NUBPL: variants seen among roughly 807,000 people sequenced by gnomAD.
The protein encoded by NUBPL is iron-sulfur cluster transfer protein NUBPL.
Under a neutral mutation model 45.7 loss-of-function variants are expected in NUBPL, and 31 were observed. The ratio of observed to expected loss-of-function variants is 0.68; its 90% CI spans 0.51 to 0.92. NUBPL has a LOEUF of 0.92. NUBPL is among the 40% of genes least tolerant of loss of function. The pLI, the probability that NUBPL is intolerant of heterozygous loss-of-function variation, is 0.00. For synonymous variants in NUBPL, 144 were observed against 140.9 expected, an observed-to-expected ratio of 1.02 and a Z score of -0.15; for missense variants, 401 against 398.7, an observed-to-expected ratio of 1.01 and a Z score of -0.05.
chr14:31,606,383 C>T (rs1327536596), intron 4 of NUBPL, among the ~76,000 whole-genome samples: 3 of 152,144 alleles, frequency 2.0e-5, no homozygotes, highest in African/African-American at 7.2e-5. Flanking sequence ...TGAGCCACCA[C>T]ACCTGGCCTG....
chr14:31,758,709 A>G (rs1180007425), intron 6 of NUBPL, among the ~76,000 whole-genome samples: 1 of 152,344 alleles, frequency 6.6e-6, no homozygotes, highest in Non-Finnish European at 1.5e-5. Context: ...ATGAGACCAT[A>G]AAATTATAAG....
rs977265400 is a variant in NUBPL at position 31,624,465 on chromosome 14, G to A, written c.382+25086G>A. Among the ~76,000 whole-genome samples, 5 of 152,174 alleles carry A rather than the reference G, an allele frequency of 3.3e-5. No individual in the cohort carries two copies. In the East Asian group the frequency reaches 9.6e-4, roughly 29 times the overall value. ...ACACATTTGTGAGTTAGCAGTATAG[G>A]TAATATTAAATAGTTGGAGTTGTTA... On this transcript the variant is annotated intron_variant, in intron 4 of 10. Transcript: ENST00000281081.
chr14:31,836,436 A>G (rs1011375457), intron 8 of NUBPL, among the ~76,000 whole-genome samples: 3 of 152,236 alleles, frequency 2.0e-5, no homozygotes, highest in Non-Finnish European at 4.4e-5. Flanking sequence ...ATTAAAGGAT[A>G]TACACAATAG....
chr14:31,817,065 A>T (rs1025124148), intron 7 of NUBPL, among the ~76,000 whole-genome samples: 1 of 152,010 alleles, frequency 6.6e-6, no homozygotes, highest in Admixed American at 6.6e-5. Context: ...TTGATCAAGC[A>T]GAAGAAAGAA....
chr14:31,773,830 C>A (rs767599427), intron 6 of NUBPL, among the ~76,000 whole-genome samples: 60 of 152,158 alleles, frequency 3.9e-4, no homozygotes, highest in Non-Finnish European at 7.5e-4. Flanking sequence ...TTGAGATCCA[C>A]TAAGTATAAG....
intron 4 of NUBPL, among the ~76,000 whole-genome samples, chr14:31,639,651 G>A (rs2035622632): frequency 1.3e-5 from 2 of 152,320 alleles, no homozygotes; most frequent in South Asian, 4.1e-4. Flanking sequence ...AGACGTTACT[G>A]CTGTCTTTTT....
intron 8 of NUBPL, among the ~76,000 whole-genome samples, chr14:31,831,943 G>A (rs144054613): frequency 6.6e-6 from 1 of 152,298 alleles, no homozygotes; most frequent in Non-Finnish European, 1.5e-5. Context: ...CATTTGCAAT[G>A]ATCAAAGTTA....
chr14:31,786,428 A>G (rs2039285457), intron 6 of NUBPL, among the ~76,000 whole-genome samples: 1 of 152,188 alleles, frequency 6.6e-6, no homozygotes, highest in African/African-American at 2.4e-5. Context: ...CTCTAGCCAT[A>G]TTGATCTTTC....
At chr14:31,651,420 T>G (rs1371413724) in intron 4 of NUBPL, among the ~76,000 whole-genome samples, 2 of 145,470 alleles carry the variant, frequency 1.4e-5, no homozygotes, top group Non-Finnish European at 3.1e-5. Context: ...TATCTTAGGT[T>G]TTTTAGCATG....
chr14:31,658,338 T>C (rs1011414767), intron 4 of NUBPL, among the ~76,000 whole-genome samples: 1 of 152,178 alleles, frequency 6.6e-6, no homozygotes, highest in African/African-American at 2.4e-5. Context: ...GCAGGTTAGT[T>C]TAATATTCTG....
chr14:31,619,917 G>A (rs1365818426), intron 4 of NUBPL, among the ~76,000 whole-genome samples: 3 of 151,972 alleles, frequency 2.0e-5, no homozygotes, highest in South Asian at 2.1e-4. Flanking sequence ...GTTCAAGTAC[G>A]CCAATCACAT....
At chr14:31,735,708 C>T (rs567153205) in intron 6 of NUBPL, among the ~76,000 whole-genome samples, 10 of 152,104 alleles carry the variant, frequency 6.6e-5, no homozygotes, top group African/African-American at 1.4e-4. Context: ...AAAAATTAGC[C>T]GGGCGTCGTC....
At chr14:31,744,477 A>G (rs2038352062) in intron 6 of NUBPL, among the ~76,000 whole-genome samples, 1 of 152,222 alleles carries the variant, frequency 6.6e-6, no homozygotes, top group South Asian at 2.1e-4. Context: ...AATAAACGCC[A>G]CAAAAAGCAT....
intron 6 of NUBPL, among the ~76,000 whole-genome samples, chr14:31,732,534 A>G (rs963907618): frequency 2.7e-5 from 4 of 146,684 alleles, no homozygotes; most frequent in African/African-American, 1.0e-4. Context: ...TGGCTTGCTT[A>G]TTTATCTTTA....
chr14:31,567,684 G>A (rs776562586), intron 3 of NUBPL, among the ~76,000 whole-genome samples: 2 of 151,988 alleles, frequency 1.3e-5, no homozygotes, highest in Non-Finnish European at 2.9e-5. Context: ...GAATCTCTCC[G>A]AGGATGCTAA....
intron 8 of NUBPL, 65 bp from the exon 9 acceptor site, chr14:31,846,406 T>G: frequency 7.4e-7 from 1 of 1,352,692 alleles, no homozygotes; most frequent in Non-Finnish European, 1.0e-6. Flanking sequence ...CTGTAAAAAT[T>G]TGTTGAAGTA....
intron 4 of NUBPL, among the ~76,000 whole-genome samples, chr14:31,655,635 C>T (rs1251713788): frequency 6.6e-6 from 1 of 152,132 alleles, no homozygotes; most frequent in Admixed American, 6.5e-5. Flanking sequence ...ATCACTTGAA[C>T]CCAGGAGGTT....
chr14:31,826,797 T>C (rs2040112934), intron 8 of NUBPL, 83 bp downstream of exon 8: 2 of 1,318,436 alleles, frequency 1.5e-6, no homozygotes, highest in East Asian at 4.7e-5. Context: ...AGTTGAAGTT[T>C]TAATTTAGTC....
chr14:31,813,748 T>A (rs118033302), intron 7 of NUBPL, among the ~76,000 whole-genome samples: 11,593 of 152,160 alleles, frequency 0.076, 485 homozygotes, highest in Non-Finnish European at 0.092. Context: ...ATGTTTTCTC[T>A]TTGTTCAACT....
Sources: allele counts gnomAD v4.1 joint callset (sites outside exome capture counted in the v4.1 genomes callset), GRCh38; gene constraint gnomAD v4.1.1; transcripts MANE v1.5; gene names NCBI Gene and HGNC (gene_info 2026-07-23, HGNC 2026-07-21).